The following PTPRD variants were observed in gnomAD, a reference collection of about 807,000 sequenced individuals.
PTPRD encodes the protein receptor-type tyrosine-protein phosphatase delta.
A neutral mutation model predicts 214.5 loss-of-function variants in PTPRD; 34 were observed. That is an observed-to-expected ratio of 0.16 (90% CI 0.12 to 0.21). The LOEUF is 0.21. Ranked by LOEUF, PTPRD falls within the 10% of genes least tolerant of loss-of-function variation. PTPRD has a pLI of 1.00. For missense variants in PTPRD, 2,545 were observed against 2,398.7 expected (o/e 1.06, Z -1.27); for synonymous variants, 1,128 against 845.7 (o/e 1.33, Z -5.79).
chr9:9,442,898 G>C (rs2088729939), intron 8 of PTPRD, among the ~76,000 whole-genome samples: 1 of 152,066 alleles, frequency 6.6e-6, no homozygotes, highest in Admixed American at 6.6e-5. Flanking sequence ...ATTGTGGTGT[G>C]CATCTGTACA....
intron 11 of PTPRD, among the ~76,000 whole-genome samples, chr9:8,937,487 G>T (rs552177721): frequency 6.6e-6 from 1 of 152,248 alleles, no homozygotes; most frequent in East Asian, 1.9e-4. Flanking sequence ...TCATAAATCA[G>T]TTCCAATGTT....
intron 3 of PTPRD, among the ~76,000 whole-genome samples, chr9:10,152,683 G>C (rs1260942156): frequency 1.3e-5 from 2 of 152,088 alleles, no homozygotes; most frequent in Admixed American, 6.6e-5. Context: ...AAATTAGCTG[G>C]GCGTGGTGGC....
intron 11 of PTPRD, among the ~76,000 whole-genome samples, chr9:8,914,875 G>A (rs944159107): frequency 6.6e-6 from 1 of 152,078 alleles, no homozygotes; most frequent in African/African-American, 2.4e-5. Context: ...ATCCTCTGCA[G>A]ACAACACACC....
In PTPRD at chr9:10,176,851, T is replaced by C. The variant is rs550751463; in HGVS notation, c.-544-143061A>G. 1.7e-4 allele frequency among the ~76,000 whole-genome samples: 25 copies of C among 150,956 alleles called. 1 individual carries two copies. Among genetic ancestry groups the C allele is most frequent in the Admixed American group, 1.6e-3 (25 of 15,234 alleles). ...TATGGAATAAACACTTAATGTCTAGTTTTTTTATCAATAAAGTGAGTGGGA... is the reference window on the plus strand; with the variant it reads ...TATGGAATAAACACTTAATGTCTAGCTTTTTTATCAATAAAGTGAGTGGGA... On this transcript the variant is annotated intron_variant, in intron 3 of 45. Transcript: ENST00000381196.
At chr9:8,370,754 G>A (rs1415523449) in intron 39 of PTPRD, among the ~76,000 whole-genome samples, 1 of 152,028 alleles carries the variant, frequency 6.6e-6, no homozygotes, top group Non-Finnish European at 1.5e-5. Context: ...CAGCAGAAAG[G>A]GGAGCTAAAA....
chr9:10,047,674 G>A (rs10958845), intron 3 of PTPRD, among the ~76,000 whole-genome samples: 40,001 of 151,808 alleles, frequency 0.26, 5,603 homozygotes, highest in South Asian at 0.33. Context: ...TTTTCTTATG[G>A]TGCATCACTG....
At chr9:10,253,627 T>C (rs972374453) in intron 3 of PTPRD, among the ~76,000 whole-genome samples, 2 of 152,200 alleles carry the variant, frequency 1.3e-5, no homozygotes, top group Non-Finnish European at 2.9e-5. Flanking sequence ...TTTCAACTGT[T>C]TCAAGAAAAA....
chr9:8,917,202 C>T (rs570648882), intron 11 of PTPRD, among the ~76,000 whole-genome samples: 7 of 150,226 alleles, frequency 4.7e-5, no homozygotes, highest in South Asian at 2.1e-4. Context: ...GCTCTCGGCT[C>T]GCTGCAACCT....
intron 14 of PTPRD, among the ~76,000 whole-genome samples, chr9:8,617,504 C>T (rs1274616814): frequency 2.6e-5 from 4 of 152,036 alleles, no homozygotes; most frequent in Non-Finnish European, 2.9e-5. Flanking sequence ...CTTAGATGTC[C>T]CAACTTTTAA....
At chr9:8,872,012 C>T (rs979868085) in intron 11 of PTPRD, among the ~76,000 whole-genome samples, 2 of 152,144 alleles carry the variant, frequency 1.3e-5, no homozygotes, top group Non-Finnish European at 2.9e-5. Context: ...AATCAATCAA[C>T]ATTGAGGGCC....
At chr9:9,225,580 G>C (rs1304498582) in intron 9 of PTPRD, among the ~76,000 whole-genome samples, 3 of 152,006 alleles carry the variant, frequency 2.0e-5, no homozygotes, top group African/African-American at 7.2e-5. Context: ...TGAACTAAAC[G>C]TGGGTGCTTC....
chr9:10,431,125 G>A (rs1042538324), intron 2 of PTPRD, among the ~76,000 whole-genome samples: 6 of 151,996 alleles, frequency 3.9e-5, no homozygotes, highest in African/African-American at 1.4e-4. Flanking sequence ...CCTCTCAAGA[G>A]AGCTCTAAAA....
intron 14 of PTPRD, among the ~76,000 whole-genome samples, chr9:8,593,944 T>C (rs562134181): frequency 2.0e-5 from 3 of 152,266 alleles, no homozygotes; most frequent in Admixed American, 2.0e-4. Flanking sequence ...TCTTTCCCAG[T>C]AGGATACATA....
intron 14 of PTPRD, among the ~76,000 whole-genome samples, chr9:8,575,177 A>C (rs939329236): frequency 6.6e-6 from 1 of 152,122 alleles, no homozygotes; most frequent in Non-Finnish European, 1.5e-5. Flanking sequence ...TGGTGATTAT[A>C]TATCATTTAC....
chr9:10,129,974 A>G lies in PTPRD; in HGVS notation c.-544-96184T>C, dbSNP rs1016297984. ...TCTTTCCCTTCACAGTATGACTTTT[A>G]TGCTGTAGTCACTTGCAAATAATAT... On this transcript the variant is annotated intron_variant, in intron 3 of 45. Coordinates refer to ENST00000381196, the MANE Select transcript of PTPRD (RefSeq NM_002839.4). Among the ~76,000 whole-genome samples, 3 of 152,050 alleles carry G rather than the reference A, an allele frequency of 2.0e-5. No individual in the cohort carries two copies. In the East Asian group the frequency reaches 5.8e-4, roughly 29 times the overall value.
chr9:9,281,275 T>C (rs1424783194), intron 9 of PTPRD, among the ~76,000 whole-genome samples: 1 of 151,194 alleles, frequency 6.6e-6, no homozygotes, highest in Non-Finnish European at 1.5e-5. Flanking sequence ...TGAAATTAAA[T>C]ACTTCTGCTC....
At chr9:10,320,262 A>G (rs576690885) in intron 3 of PTPRD, among the ~76,000 whole-genome samples, 2 of 152,196 alleles carry the variant, frequency 1.3e-5, no homozygotes, top group South Asian at 4.1e-4. Context: ...CTTAATATTG[A>G]TAAATAATGT....
intron 3 of PTPRD, among the ~76,000 whole-genome samples, chr9:10,248,520 A>T (rs539284351): frequency 8.8e-5 from 13 of 148,320 alleles, no homozygotes; most frequent in East Asian, 2.0e-4. Context: ...GCAAAAAAAA[A>T]AAAAAATAAA....
intron 3 of PTPRD, among the ~76,000 whole-genome samples, chr9:10,073,616 C>G (rs1376976919): frequency 6.6e-6 from 1 of 152,086 alleles, no homozygotes; most frequent in Non-Finnish European, 1.5e-5. Context: ...TGGTTGGTGA[C>G]TAGTTCCCCT....
Sources: allele counts gnomAD v4.1 joint callset (sites outside exome capture counted in the v4.1 genomes callset), GRCh38; gene constraint gnomAD v4.1.1; transcripts MANE v1.5; gene names NCBI Gene and HGNC (gene_info 2026-07-23, HGNC 2026-07-21).